The following MARCHF6 variants were observed in gnomAD, a reference collection of about 807,000 sequenced individuals.
MARCHF6 encodes the protein E3 ubiquitin-protein ligase MARCHF6.
MARCHF6 carries 31 observed loss-of-function variants against 133.7 expected under a neutral mutation model. The observed-to-expected ratio is 0.23, with a 90% CI of 0.17 to 0.31. MARCHF6 has a LOEUF of 0.31. MARCHF6 is among the 10% of genes least tolerant of loss of function. MARCHF6 has a pLI of 1.00. For synonymous variants in MARCHF6, 395 were observed against 402.5 expected, an observed-to-expected ratio of 0.98 and a Z score of 0.22; for missense variants, 723 against 1,121.6, an observed-to-expected ratio of 0.64 and a Z score of 5.08.
intron 7 of MARCHF6, among the ~76,000 whole-genome samples, chr5:10,392,295 A>AT (rs1201334730): frequency 6.6e-6 from 1 of 152,266 alleles, no homozygotes; most frequent in East Asian, 1.9e-4. Flanking sequence ...GGAAGAAACT[A>AT]TTTTTTAAGT....
chr5:10,354,582 T>C (rs552830723), intron 1 of MARCHF6: 1 of 152,314 alleles, frequency 6.6e-6, no homozygotes, highest in African/African-American at 2.4e-5. Flanking sequence ...TACGGTTACA[T>C]TGAACAAACT....
chr5:10,363,654 A>C (rs1203569129), intron 1 of MARCHF6, among the ~76,000 whole-genome samples: 2 of 152,258 alleles, frequency 1.3e-5, no homozygotes, highest in African/African-American at 4.8e-5. Context: ...TATTCACACA[A>C]AAACCTGTAT....
Position 10,431,659 on chromosome 5 carries a change from ATG to A in MARCHF6, c.2642+1642_2642+1643del, listed in dbSNP as rs377110111. Among the ~76,000 whole-genome samples, 246 of 149,380 alleles carry A rather than the reference ATG, an allele frequency of 1.6e-3. 1 individual carries two copies. Among genetic ancestry groups the A allele is most frequent in the South Asian group, 2.8e-3 (13 of 4,684 alleles). ...TGTGTGTGTGTGTGTGTGAGAGTGT[ATG>A]TGTGTGTGTGGTGGGCTTGAGTATG... On this transcript the variant is annotated intron_variant, in intron 25 of 25. Coordinates refer to ENST00000274140, the MANE Select transcript of MARCHF6 (RefSeq NM_005885.4).
intron 7 of MARCHF6, among the ~76,000 whole-genome samples, chr5:10,393,690 C>T (rs1228565963): frequency 6.6e-6 from 1 of 152,206 alleles, no homozygotes; most frequent in Non-Finnish European, 1.5e-5. Flanking sequence ...ACTCCACATT[C>T]CTCTTGTATG....
chr5:10,403,258 G>C, intron 14 of MARCHF6, 149 bp from the exon 15 acceptor site: 1 of 675,460 alleles, frequency 1.5e-6, no homozygotes, highest in African/African-American at 1.8e-5. Context: ...ATATAGTTCT[G>C]TGACACCGTG....
intron 1 of MARCHF6, among the ~76,000 whole-genome samples, chr5:10,377,213 ATC>A (rs1487008821): frequency 1.3e-5 from 2 of 151,418 alleles, no homozygotes; most frequent in Non-Finnish European, 2.9e-5. Context: ...CTTCCGGCTC[ATC>A]TCTCTGTGGC....
chr5:10,411,460 G>T lies in MARCHF6; in HGVS notation c.1819G>T (p.Ala607Ser). ...TGTGGTGGGAGAAGGCCTTCATGCA[G>T]CCCACCAAGCCATACTCCAGCAGGG... ...IPVVGEGLHA[A>S]HQAILQQGGP... The change falls in exon 19 of 26, where the codon GCC (alanine) becomes TCC (serine). Residue 607 changes from alanine to serine, a missense_variant. Ala to Ser is a moderately conservative substitution (Grantham distance 99). Coordinates refer to ENST00000274140, the MANE Select transcript of MARCHF6 (RefSeq NM_005885.4). 6.2e-7 allele frequency: 1 copy of T among 1,614,158 alleles called. No individual in the cohort carries two copies. Among genetic ancestry groups the T allele is most frequent in the Non-Finnish European group, 8.5e-7 (1 of 1,180,036 alleles).
At chr5:10,354,382 C>A (rs1735313515) in intron 1 of MARCHF6, among the ~76,000 whole-genome samples, 1 of 152,198 alleles carries the variant, frequency 6.6e-6, no homozygotes, top group Non-Finnish European at 1.5e-5. Flanking sequence ...GCGAAAAATA[C>A]CCCGCCAGAT....
chr5:10,413,178 G>A (rs1253612669), intron 19 of MARCHF6: 1 of 152,246 alleles, frequency 6.6e-6, no homozygotes, highest in Non-Finnish European at 1.5e-5. Context: ...AGGAAAGCAT[G>A]AAGGTCATCT....
chr5:10,423,105 G>A (rs956967082), intron 22 of MARCHF6, among the ~76,000 whole-genome samples: 1 of 151,618 alleles, frequency 6.6e-6, no homozygotes, highest in Admixed American at 6.6e-5. Context: ...CTTCAGGGTT[G>A]TTAAGCAGGG....
chr5:10,372,731 A>G (rs1736544555), intron 1 of MARCHF6, among the ~76,000 whole-genome samples: 1 of 152,228 alleles, frequency 6.6e-6, no homozygotes, highest in African/African-American at 2.4e-5. Context: ...TAACTATTCC[A>G]AACTCCCAAA....
chr5:10,365,158 GC>G (rs1736065915), intron 1 of MARCHF6, among the ~76,000 whole-genome samples: 1 of 152,010 alleles, frequency 6.6e-6, no homozygotes, highest in African/African-American at 2.4e-5. Flanking sequence ...TCTAACTTAA[GC>G]CTAGTTGGCA....
At chr5:10,433,050 C>T (rs930080598) in intron 25 of MARCHF6, among the ~76,000 whole-genome samples, 3 of 151,986 alleles carry the variant, frequency 2.0e-5, no homozygotes, top group African/African-American at 7.3e-5. Context: ...CCACACACAC[C>T]CAGCTAATTT....
At chr5:10,414,069 CATT>C (rs1739373230) in intron 19 of MARCHF6, among the ~76,000 whole-genome samples, 1 of 152,092 alleles carries the variant, frequency 6.6e-6, no homozygotes, top group Admixed American at 6.5e-5. Flanking sequence ...ACATTTCTGT[CATT>C]ATAGAACATT....
intron 1 of MARCHF6, among the ~76,000 whole-genome samples, 189 bp from the exon 2 acceptor site, chr5:10,377,609 G>A (rs941779394): frequency 4.6e-5 from 7 of 152,090 alleles, no homozygotes; most frequent in African/African-American, 1.7e-4. Context: ...ACATTATTTA[G>A]GAATTTTTTA....
At chr5:10,404,213 A>G (rs2261272) in intron 15 of MARCHF6, among the ~76,000 whole-genome samples, 33,498 of 151,644 alleles carry the variant, frequency 0.22, 5,424 homozygotes, top group East Asian at 0.68. Flanking sequence ...GACTGCAGGC[A>G]CCCACCACCA....
intron 1 of MARCHF6, among the ~76,000 whole-genome samples, chr5:10,371,352 T>G (rs1659164122): frequency 6.6e-6 from 1 of 152,128 alleles, no homozygotes; most frequent in South Asian, 2.1e-4. Flanking sequence ...ATTAGTCTGT[T>G]TTCATGCTGC....
At chr5:10,370,102 T>TA (rs1554019437) in intron 1 of MARCHF6, among the ~76,000 whole-genome samples, 1 of 139,624 alleles carries the variant, frequency 7.2e-6, no homozygotes, top group Non-Finnish European at 1.6e-5. Context: ...ATTTTTTTTT[T>TA]TTTTTTTTTT....
intron 20 of MARCHF6, 147 bp downstream of exon 20, chr5:10,414,649 C>T: frequency 1.6e-6 from 1 of 606,744 alleles, no homozygotes; most frequent in Admixed American, 3.1e-5. Context: ...CTCAAGCAAT[C>T]CTTCCACCTC....
Sources: allele counts gnomAD v4.1 joint callset (sites outside exome capture counted in the v4.1 genomes callset), GRCh38; gene constraint gnomAD v4.1.1; transcripts MANE v1.5; gene names NCBI Gene and HGNC (gene_info 2026-07-23, HGNC 2026-07-21).